The following CSMD3 variants were observed in gnomAD, a reference collection of about 807,000 sequenced individuals.
CSMD3 encodes CUB and Sushi multiple domains 3.
In CSMD3, 177 loss-of-function variants were observed where a neutral mutation model predicts 435.2. The ratio of observed to expected loss-of-function variants is 0.41; its 90% CI spans 0.36 to 0.46. The LOEUF (loss-of-function observed/expected upper bound fraction) is 0.46. CSMD3 is among the 20% of genes least tolerant of loss of function. The pLI is 0.34. For synonymous variants in CSMD3, 1,656 were observed against 1,520.5 expected (o/e 1.09, Z -2.07); for missense variants, 4,265 against 4,504.6 (o/e 0.95, Z 1.52).
At chr8:112,427,978 T>C (rs1224967867) in intron 32 of CSMD3, among the ~76,000 whole-genome samples, 2 of 152,172 alleles carry the variant, frequency 1.3e-5, no homozygotes, top group African/African-American at 4.8e-5. Flanking sequence ...CACTTCCCTA[T>C]ATAAGGCAGT....
At chr8:113,166,445 C>T (rs895748909) in intron 4 of CSMD3, among the ~76,000 whole-genome samples, 1 of 152,060 alleles carries the variant, frequency 6.6e-6, no homozygotes, top group Non-Finnish European at 1.5e-5. Flanking sequence ...ATGGAGGTTG[C>T]AGTGAGCTGA....
At position 112,237,346 on chromosome 8, in the gene CSMD3, G is replaced by A. The variant is rs2129994387; in HGVS notation, c.10471C>T (p.Pro3491Ser). 1 of 1,601,440 alleles carries A rather than the reference G, an allele frequency of 6.2e-7. No homozygotes were observed. The highest frequency in any genetic ancestry group is 8.6e-7 in the Non-Finnish European group (1 of 1,168,808). The change falls in exon 67 of 71, where the codon CCT becomes TCT. Residue 3491 changes from proline to serine, a missense_variant and splice_region_variant. By Grantham distance (74) the Pro-to-Ser change is moderately conservative. Transcript: ENST00000297405. ...TAATTTTGGGCAAATACATCATCAG[G>A]AACTGTGAATAGATTAAATATACCA... is the stretch of plus-strand genomic sequence containing the variant. ...LGTPSPKLSVPDDVFAQNYIW... is the reference protein window; with the variant it reads ...LGTPSPKLSVSDDVFAQNYIW...
intron 4 of CSMD3, among the ~76,000 whole-genome samples, chr8:113,138,169 T>C (rs77265766): frequency 1.8e-3 from 272 of 151,570 alleles, no homozygotes; most frequent in East Asian, 0.012. Flanking sequence ...TTTACCGTAA[T>C]TATTATTCAA....
At chr8:112,469,612 C>T (rs973531759) in intron 32 of CSMD3, among the ~76,000 whole-genome samples, 1 of 152,134 alleles carries the variant, frequency 6.6e-6, no homozygotes, top group Non-Finnish European at 1.5e-5. Flanking sequence ...ACCTAGATCC[C>T]TCACATGTAC....
intron 61 of CSMD3, among the ~76,000 whole-genome samples, chr8:112,256,944 C>T (rs1040536004): frequency 1.3e-5 from 2 of 152,064 alleles, no homozygotes; most frequent in African/African-American, 2.4e-5. Flanking sequence ...TTGGCATGCC[C>T]GAGCCATCTG....
chr8:112,279,167 A>C (rs1376159915), intron 59 of CSMD3, among the ~76,000 whole-genome samples: 1 of 152,226 alleles, frequency 6.6e-6, no homozygotes, highest in Admixed American at 6.5e-5. Flanking sequence ...AAGATAAAAT[A>C]ACAGAATTGG....
chr8:112,720,716 C>T (rs902909903), intron 13 of CSMD3, among the ~76,000 whole-genome samples: 3 of 152,110 alleles, frequency 2.0e-5, no homozygotes, highest in African/African-American at 7.2e-5. Flanking sequence ...GTGCCGGATT[C>T]TGGCAATATA....
intron 9 of CSMD3, among the ~76,000 whole-genome samples, chr8:112,945,588 A>ATGTGTGTGTGTG (rs10574750): frequency 1.4e-5 from 2 of 140,586 alleles, no homozygotes; most frequent in South Asian, 2.4e-4. Flanking sequence ...ATACAGAAAT[A>ATGTGTGTGTGTG]TGTGTGTGTG....
At chr8:112,596,522 G>C (rs1329312998) in intron 22 of CSMD3, among the ~76,000 whole-genome samples, 1 of 152,054 alleles carries the variant, frequency 6.6e-6, no homozygotes, top group African/African-American at 2.4e-5. Flanking sequence ...GGACCTAATA[G>C]ACATCTACAG....
chr8:112,629,003 C>G (rs1313729938), intron 22 of CSMD3, among the ~76,000 whole-genome samples: 2 of 152,014 alleles, frequency 1.3e-5, no homozygotes, highest in Admixed American at 1.3e-4. Context: ...TTTCTGACTC[C>G]ATAGTTTGGT....
chr8:112,650,413 T>C, intron 18 of CSMD3, 64 bp from the exon 19 acceptor site: 1 of 1,250,986 alleles, frequency 8.0e-7, no homozygotes, highest in Non-Finnish European at 1.2e-6. Context: ...CTGAAAATAA[T>C]TCCTAGTTCT....
chr8:113,409,079 C>CTTTTTTTT (rs1218107775), intron 1 of CSMD3, among the ~76,000 whole-genome samples: 48 of 99,074 alleles, frequency 4.8e-4, no homozygotes, highest in Non-Finnish European at 5.8e-4. Context: ...TCTTCTTCTT[C>CTTTTTTTT]TTTTTTTTTT....
In CSMD3 at chr8:112,556,850, G is replaced by T. The variant is rs766482661; in HGVS notation, c.4147C>A (p.Pro1383Thr). The change falls in exon 25 of 71, where the codon CCA becomes ACA. Residue 1383 changes from proline to threonine, a missense_variant. By Grantham distance (38) the Pro-to-Thr change is conservative. Around this residue, in one of 3 missense-constraint regions of CSMD3, gnomAD observed 3,255 missense variants for 3,380.2 expected, o/e 0.96. Coordinates refer to ENST00000297405, the MANE Select transcript of CSMD3 (RefSeq NM_198123.2). ...CTACTTCCGTGGAGAGTGTAGCCTG[G>T]ATTGCATCCATAAATGATGGTGCTA... ...AGSTIIYGCN[P>T]GYTLHGSSLL... is the part of the protein sequence containing the mutation. 1 of 1,611,900 alleles carries T rather than the reference G, an allele frequency of 6.2e-7. No individual in the cohort carries two copies. The highest frequency in any genetic ancestry group is 1.3e-5 in the African/African-American group (1 of 74,794).
In CSMD3 at chr8:113,219,134, A is replaced by G. The variant is rs911588168; in HGVS notation, c.515-45218T>C. On this transcript the variant is annotated intron_variant, in intron 3 of 70. Coordinates refer to ENST00000297405, the MANE Select transcript of CSMD3 (RefSeq NM_198123.2). ...ATCAATATCTTATTTAAAGGAGGAA[A>G]TTAAAGGAGAAAGAGCAATTTCCAC... is the stretch of plus-strand genomic sequence containing the variant. 2.0e-5 allele frequency among the ~76,000 whole-genome samples: 3 copies of G among 151,446 alleles called. No individual in the cohort carries two copies. The South Asian group carries it at 6.2e-4, about 31-fold the overall frequency.
chr8:112,588,929 T>C (rs1183582205), intron 22 of CSMD3, among the ~76,000 whole-genome samples: 1 of 152,146 alleles, frequency 6.6e-6, no homozygotes, highest in East Asian at 1.9e-4. Context: ...TACAGGTATG[T>C]TTGTGGAGGC....
chr8:112,937,352 G>A (rs1277895293), intron 9 of CSMD3, among the ~76,000 whole-genome samples: 1 of 135,316 alleles, frequency 7.4e-6, no homozygotes, highest in Non-Finnish European at 1.6e-5. Context: ...AGGTAATAAT[G>A]TTTTTTTTTT....
At chr8:112,999,423 T>C (rs2085778823) in intron 6 of CSMD3, among the ~76,000 whole-genome samples, 3 of 151,822 alleles carry the variant, frequency 2.0e-5, no homozygotes, top group South Asian at 4.2e-4. Context: ...AGGATGCCAC[T>C]GTGTGACAAG....
chr8:112,292,440 T>G, intron 55 of CSMD3, 97 bp downstream of exon 55: 1 of 1,258,544 alleles, frequency 7.9e-7, no homozygotes, highest in Non-Finnish European at 1.2e-6. Flanking sequence ...AGATAAAAAC[T>G]TTTTACTATT....
At chr8:113,186,027 T>A (rs539759284) in intron 3 of CSMD3, among the ~76,000 whole-genome samples, 1 of 152,122 alleles carries the variant, frequency 6.6e-6, no homozygotes, top group African/African-American at 2.4e-5. Context: ...TGAGAAGGTA[T>A]AAAAGGAGCC....
Sources: gnomAD v4.1 joint callset for allele counts (sites outside exome capture counted in the v4.1 genomes callset) on GRCh38, gnomAD v4.1.1 for gene constraint, gnomAD v4.1.1 regional missense constraint, MANE v1.5 for transcripts, NCBI Gene and HGNC (gene_info 2026-07-23, HGNC 2026-07-21) for gene names.